Variants in APLP1 observed in about 807,000 individuals in gnomAD.
APLP1 encodes the protein amyloid beta (A4) precursor-like protein 1.
Under a neutral mutation model 84.5 loss-of-function variants are expected in APLP1, and 46 were observed. The ratio of observed to expected loss-of-function variants is 0.54; its 90% CI spans 0.43 to 0.70. The LOEUF is 0.70. Among genes scored for constraint, APLP1 ranks in the 30% least tolerant of loss-of-function variants. The probability of loss-of-function intolerance (pLI) is 0.00; values close to 1 mark genes in which losing one functional copy is unlikely to be tolerated. For missense variants in APLP1, 826 were observed against 900.2 expected (o/e 0.92, Z 1.05); for synonymous variants, 376 against 364.0 (o/e 1.03, Z -0.38).
rs373063120 is a variant in APLP1 at position 35,877,806 on chromosome 19, G to A, written c.1533G>A (p.Gln511=). Residue 511 remains glutamine, a synonymous_variant, in exon 12 of 17, where the codon CAG becomes CAA. Coordinates refer to ENST00000221891, the MANE Select transcript of APLP1 (RefSeq NM_001024807.3). Reference sequence around the variant, plus strand: ...GCAGCGAGGACAAGGGTGGGCTGCAGCCTCCAGATTCCAAGGATGGTGAGT... The same window carrying A: ...GCAGCGAGGACAAGGGTGGGCTGCAACCTCCAGATTCCAAGGATGGTGAGT... ...GGSSEDKGGL[Q]PPDSKDADTP... The A allele has an allele frequency of 6.2e-7, 1 of 1,610,494 alleles. No homozygotes were observed. Among genetic ancestry groups the A allele is most frequent in the Non-Finnish European group, 8.5e-7 (1 of 1,179,038 alleles).
chr19:35,872,841 T>G (rs774320406), intron 7 of APLP1, among the ~76,000 whole-genome samples: 2 of 149,626 alleles, frequency 1.3e-5, no homozygotes, highest in Non-Finnish European at 3.0e-5. Context: ...TCTTTCACTT[T>G]ATTGGTTTTT....
At chr19:35,873,578 G>A (rs1257490402) in intron 7 of APLP1, 61 bp from the exon 8 acceptor site, 2 of 1,552,176 alleles carry the variant, frequency 1.3e-6, no homozygotes, top group African/African-American at 1.4e-5. Flanking sequence ...AGAGGGGTTG[G>A]GGGACTTGCC....
intron 1 of APLP1, 107 bp from the exon 2 acceptor site, chr19:35,869,560 G>C: frequency 1.4e-6 from 2 of 1,449,718 alleles, no homozygotes; most frequent in South Asian, 1.2e-5. Context: ...TGCGGTGCTT[G>C]GGGGAGGGGG....
At chr19:35,873,789 GT>G in intron 8 of APLP1, 76 bp downstream of exon 8, 1 of 1,403,396 alleles carries the variant, frequency 7.1e-7, no homozygotes, top group Non-Finnish European at 9.9e-7. Context: ...GGCTCTGGCT[GT>G]GCCCTGCCCA....
At chr19:35,877,681 T>G (rs371718540) in intron 11 of APLP1, 37 bp from the exon 12 acceptor site, 4 of 1,517,316 alleles carry the variant, frequency 2.6e-6, no homozygotes, top group Non-Finnish European at 3.7e-6. Flanking sequence ...ACCCCTATGC[T>G]CACTACCTCA....
At chr19:35,872,085 A>G (rs1442337632) in intron 6 of APLP1, 49 bp downstream of exon 6, 2 of 1,582,300 alleles carry the variant, frequency 1.3e-6, no homozygotes, top group East Asian at 2.2e-5. Context: ...AGAGGGAGAA[A>G]GATCTGGGGG....
chr19:35,871,447 C>T (rs922627154), intron 4 of APLP1, 98 bp downstream of exon 4: 9 of 1,342,566 alleles, frequency 6.7e-6, no homozygotes, highest in Non-Finnish European at 9.4e-6. Context: ...GGGCCACCAG[C>T]ATCCTCTTCG....
At position 35,871,368 on chromosome 19, in the gene APLP1, C is replaced by A; in HGVS notation, c.537+19C>A. 1 of 1,582,240 alleles carries A rather than the reference C, an allele frequency of 6.3e-7. No homozygotes were observed. The highest frequency in any genetic ancestry group is 8.6e-7 in the Non-Finnish European group (1 of 1,162,290). ...ACAGGAGGTCAGGACGTTGGCCCAC[C>A]CGTCCCCAGCCCCCACAACCCAGGA... On this transcript the variant is annotated intron_variant, in intron 4 of 16. Coordinates refer to ENST00000221891, the MANE Select transcript of APLP1 (RefSeq NM_001024807.3).
At chr19:35,869,645 T>C in intron 1 of APLP1, 22 bp from the exon 2 acceptor site, 1 of 1,609,830 alleles carries the variant, frequency 6.2e-7, no homozygotes. Flanking sequence ...GAGCCCTCAC[T>C]GTCCTTTCCA....
intron 1 of APLP1, chr19:35,869,142 G>C (rs1310136954): frequency 6.4e-6 from 2 of 314,174 alleles, no homozygotes; most frequent in Non-Finnish European, 5.8e-6. Flanking sequence ...GTATTCTCTG[G>C]ACCCATATGG....
intron 2 of APLP1, chr19:35,870,104 C>G: frequency 2.3e-6 from 1 of 429,358 alleles, no homozygotes; most frequent in East Asian, 4.2e-5. Flanking sequence ...AGAAAGAGAC[C>G]TTAAGGACCA....
At position 35,871,849 on chromosome 19, in the gene APLP1, C is replaced by T; in HGVS notation, c.672-9C>T. The T allele has an allele frequency of 1.1e-5, 18 of 1,613,616 alleles. No homozygotes were observed. The highest frequency in any genetic ancestry group is 1.5e-5 in the Non-Finnish European group (18 of 1,179,704). Reference sequence around the variant, plus strand: ...TTCTTACTGCCTGGGTCCTCTCCTGCTCCCTCAGTGACCCCTCCACCCGGT... The same window carrying T: ...TTCTTACTGCCTGGGTCCTCTCCTGTTCCCTCAGTGACCCCTCCACCCGGT... On this transcript the variant is annotated splice_polypyrimidine_tract_variant and intron_variant, in intron 5 of 16. Transcript: ENST00000221891.
In APLP1 at chr19:35,874,973, C is replaced by G. The variant is rs373573985; in HGVS notation, c.1344+104C>G. ...GACCCTCTTTCTGTCTCTTGGACCC[C>G]TTCCTATCCCCTGAACACCGCTTCT... is the stretch of plus-strand genomic sequence containing the variant. On this transcript the variant is annotated intron_variant, in intron 10 of 16. Coordinates refer to ENST00000221891, the MANE Select transcript of APLP1 (RefSeq NM_001024807.3). The surrounding 1 kb of genome is among the most constrained non-coding windows in gnomAD (Gnocchi z 6.4). 1.0e-5 allele frequency: 15 copies of G among 1,457,348 alleles called. No homozygotes were observed. The East Asian group carries it at 3.4e-4, about 33-fold the overall frequency. The allele number at this position is 1,457,348 out of a possible 1,614,324, so 90.3% of individuals were successfully genotyped here.
In APLP1 at chr19:35,874,477, C is replaced by G; in HGVS notation, c.1057-27C>G. ...AGGCTTTGACCCATCTTCTCCTCTC[C>G]TGACCCTGTGCCCACCCGCTCCCCA... is the stretch of plus-strand genomic sequence containing the variant. On this transcript the variant is annotated intron_variant, in intron 8 of 16. Transcript: ENST00000221891. The surrounding 1 kb of genome is among the most constrained non-coding windows in gnomAD (Gnocchi z 6.4). The G allele has an allele frequency of 6.2e-7, 1 of 1,613,118 alleles. No individual in the cohort carries two copies. The highest frequency in any genetic ancestry group is 1.1e-5 in the South Asian group (1 of 91,044).
chr19:35,870,050 A>G (rs549209415), intron 2 of APLP1: 45 of 584,138 alleles, frequency 7.7e-5, no homozygotes, highest in Non-Finnish European at 1.1e-4. Context: ...TGTAAAGAGT[A>G]GAGGTGTAGG....
Position 35,869,705 on chromosome 19 carries a change from C to A in APLP1, c.186C>A (p.Arg62=). ...GSAQVAGLCG[R]LTLHRDLRTG... ...CCCAGGTGGCTGGACTATGCGGGCG[C>A]CTAACCCTTCACCGGGACCTGCGCA... The change falls in exon 2 of 17, where the codon CGC becomes CGA. Residue 62 remains arginine, a synonymous_variant. Transcript: ENST00000221891. 1 of 1,612,096 alleles carries A rather than the reference C, an allele frequency of 6.2e-7. No homozygotes were observed. The highest frequency in any genetic ancestry group is 1.1e-5 in the South Asian group (1 of 90,944).
chr19:35,878,960 G>A lies in APLP1; in HGVS notation c.1713+8G>A. 1 of 1,614,052 alleles carries A rather than the reference G, an allele frequency of 6.2e-7. No homozygotes were observed. Among genetic ancestry groups the A allele is most frequent in the Non-Finnish European group, 8.5e-7 (1 of 1,180,016 alleles). On this transcript the variant is annotated splice_region_variant and intron_variant, in intron 15 of 16. Coordinates refer to ENST00000221891, the MANE Select transcript of APLP1 (RefSeq NM_001024807.3). ...ATTCAGAGGGATGAGCTGGTAAGAG[G>A]AGGAACAGCCGGGTACCTAGGGGAA...
chr19:35,878,557 A>AT, intron 13 of APLP1, 27 bp from the exon 14 acceptor site: 1 of 1,613,028 alleles, frequency 6.2e-7, no homozygotes, highest in Non-Finnish European at 8.5e-7. Flanking sequence ...AGAAAAAAAA[A>AT]AAGAATGAGA....
chr19:35,870,981 GCAGCTGCGCCCACCCC>G lies in APLP1; in HGVS notation c.380_395del (p.Ser127ThrfsTer15). 6.4e-7 allele frequency: 1 copy of G among 1,565,874 alleles called. No homozygotes were observed. The highest frequency in any genetic ancestry group is 8.6e-7 in the Non-Finnish European group (1 of 1,157,528). ...CGCTGGTGCGGGGGTTCCCGGAGCG[GCAGCTGCGCCCACCCC>G]CACCACCAGGTTGTGCCCTTCCGCT... On this transcript the variant is annotated frameshift_variant, in exon 3 of 17. Coordinates refer to ENST00000221891, the MANE Select transcript of APLP1 (RefSeq NM_001024807.3). LOFTEE classifies it high-confidence loss of function.
Sources: gnomAD v4.1 joint callset for allele counts (sites outside exome capture counted in the v4.1 genomes callset) on GRCh38, gnomAD v4.1.1 for gene constraint, Gnocchi (gnomAD v3.1) non-coding constraint, MANE v1.5 for transcripts, NCBI Gene and HGNC (gene_info 2026-07-23, HGNC 2026-07-21) for gene names.